Variants in DLC1 observed in about 807,000 individuals in gnomAD.
DLC1 encodes the protein DLC1 Rho GTPase activating protein.
A neutral mutation model predicts 140.3 loss-of-function variants in DLC1; 54 were observed. The ratio of observed to expected loss-of-function variants is 0.38; its 90% confidence interval spans 0.31 to 0.48. The LOEUF is 0.48. DLC1 is among the 20% of genes least tolerant of loss of function. DLC1 has a pLI of 0.96. For synonymous variants in DLC1, 986 were observed against 728.1 expected (o/e 1.35, Z -5.70); for missense variants, 2,536 against 1,907.0 (o/e 1.33, Z -6.14).
chr8:13,563,840 C>A (rs1315923216), intron 1 of DLC1, among the ~76,000 whole-genome samples: 1 of 152,008 alleles, frequency 6.6e-6, no homozygotes, highest in Non-Finnish European at 1.5e-5. Context: ...TAATGCAAAA[C>A]CACCTTTAAA....
chr8:13,572,593 C>T (rs976126863), intron 1 of DLC1, among the ~76,000 whole-genome samples: 2 of 152,114 alleles, frequency 1.3e-5, no homozygotes, highest in Non-Finnish European at 2.9e-5. Flanking sequence ...CATATATTTT[C>T]TTCTAAGAGT....
chr8:13,173,965 G>T (rs1825629652), intron 5 of DLC1, among the ~76,000 whole-genome samples: 1 of 152,106 alleles, frequency 6.6e-6, no homozygotes. Context: ...CATCACCCAG[G>T]TAGTGAACAT....
intron 4 of DLC1, among the ~76,000 whole-genome samples, chr8:13,328,389 G>A (rs1334679186): frequency 2.6e-5 from 4 of 152,132 alleles, no homozygotes; most frequent in African/African-American, 9.7e-5. Flanking sequence ...TTTGGTTCTG[G>A]GTTGATTGCG....
Position 13,582,878 on chromosome 8 carries a change from C to A in DLC1, c.-126+21659G>T, listed in dbSNP as rs565162230. ...AGTTATGTTTACAATATACTGTGGTCTATATATATATATATATATATATAT... is the reference window on the plus strand; with the variant it reads ...AGTTATGTTTACAATATACTGTGGTATATATATATATATATATATATATAT... On this transcript the variant is annotated intron_variant, in intron 1 of 1. Transcript: ENST00000631382. Among the ~76,000 whole-genome samples the A allele has an allele frequency of 3.4e-3, 348 of 103,052 alleles. 3 individuals carry two copies. Among genetic ancestry groups the A allele is most frequent in the African/African-American group, 0.011 (311 of 28,208 alleles). 67.6% of individuals were successfully genotyped at this position (103,052 alleles called of 152,430 possible).
chr8:13,404,215 G>A (rs1837425102), intron 2 of DLC1, among the ~76,000 whole-genome samples: 1 of 152,104 alleles, frequency 6.6e-6, no homozygotes, highest in African/African-American at 2.4e-5. Flanking sequence ...GGTGGGCTAT[G>A]GTATGTTGGT....
At chr8:13,509,791 T>A (rs1802271245) in intron 1 of DLC1, among the ~76,000 whole-genome samples, 1 of 151,526 alleles carries the variant, frequency 6.6e-6, no homozygotes, top group African/African-American at 2.4e-5. Flanking sequence ...TTTGTGAGGA[T>A]GTCTGTGAAA....
chr8:13,182,690 T>A (rs1826110679), intron 5 of DLC1, among the ~76,000 whole-genome samples: 1 of 152,336 alleles, frequency 6.6e-6, no homozygotes, highest in East Asian at 1.9e-4. Flanking sequence ...ATCTCTGTTT[T>A]GGTACCAGTA....
chr8:13,547,501 C>T (rs1190024613), intron 1 of DLC1, among the ~76,000 whole-genome samples: 2 of 152,036 alleles, frequency 1.3e-5, no homozygotes, highest in East Asian at 1.9e-4. Context: ...ACTCTTCAGG[C>T]ACCAGGATAA....
At chr8:13,593,747 T>C (rs903643208) in intron 1 of DLC1, among the ~76,000 whole-genome samples, 1 of 152,142 alleles carries the variant, frequency 6.6e-6, no homozygotes, top group Non-Finnish European at 1.5e-5. Flanking sequence ...GACATATGGT[T>C]ATTAGTTATA....
chr8:13,165,817 G>A (rs1825066716), intron 5 of DLC1, among the ~76,000 whole-genome samples: 1 of 152,126 alleles, frequency 6.6e-6, no homozygotes, highest in African/African-American at 2.4e-5. Flanking sequence ...TAGGGTGAAT[G>A]GCTTCCTTGG....
chr8:13,139,209 G>A (rs1174913541), intron 5 of DLC1, among the ~76,000 whole-genome samples: 2 of 138,412 alleles, frequency 1.4e-5, no homozygotes, highest in Admixed American at 1.6e-4. Context: ...AGGATTGCTT[G>A]AGCCGGGTAG....
chr8:13,083,509 T>C lies in DLC1; in HGVS notation c.*2302A>G, dbSNP rs866185973. On this transcript the variant is annotated 3_prime_UTR_variant, in exon 18 of 18. Transcript: ENST00000276297. Reference sequence around the variant, plus strand: ...AATTAGTCACACAAATAAGTTGTGATGGCGCTCTAAGTGACCTCAGCAGAG... The same window carrying C: ...AATTAGTCACACAAATAAGTTGTGACGGCGCTCTAAGTGACCTCAGCAGAG... 2 of 152,252 alleles carry C rather than the reference T, an allele frequency of 1.3e-5. No homozygotes were observed. The highest frequency in any genetic ancestry group is 2.4e-5 in the African/African-American group (1 of 41,460). 9.4% of individuals were successfully genotyped at this position (152,252 alleles called of 1,614,324 possible).
chr8:13,356,954 A>G (rs1048447341), intron 4 of DLC1, among the ~76,000 whole-genome samples: 1 of 152,060 alleles, frequency 6.6e-6, no homozygotes, highest in Non-Finnish European at 1.5e-5. Context: ...ATTTACAAGT[A>G]CGAGTTCAGA....
At chr8:13,501,701 T>A (rs1435970545) in intron 1 of DLC1, among the ~76,000 whole-genome samples, 2 of 152,212 alleles carry the variant, frequency 1.3e-5, no homozygotes, top group Non-Finnish European at 2.9e-5. Context: ...ACCAAGTATC[T>A]TTCTGGATAC....
chr8:13,478,358 C>T (rs141335942), intron 2 of DLC1, among the ~76,000 whole-genome samples: 8 of 152,280 alleles, frequency 5.3e-5, no homozygotes, highest in Admixed American at 3.3e-4. Context: ...GGGATCCATT[C>T]CCATGACCCA....
chr8:13,493,746 C>G (rs1801370916), intron 2 of DLC1, among the ~76,000 whole-genome samples: 2 of 152,070 alleles, frequency 1.3e-5, no homozygotes, highest in Admixed American at 1.3e-4. Context: ...TCCCAGTCAG[C>G]CTCCTACTTT....
chr8:13,586,524 C>G (rs1403375326), intron 1 of DLC1, among the ~76,000 whole-genome samples: 3 of 151,028 alleles, frequency 2.0e-5, no homozygotes, highest in Admixed American at 2.0e-4. Flanking sequence ...AGGTTAGTAA[C>G]TGAATGAATT....
rs75049983 is a variant in DLC1 at position 13,395,226 on chromosome 8, T to G, written c.1174-1533A>C. Among the ~76,000 whole-genome samples, 387 of 151,986 alleles carry G rather than the reference T, an allele frequency of 2.5e-3. 2 individuals are homozygous for G. Among genetic ancestry groups the G allele is most frequent in the Non-Finnish European group, 4.7e-3 (317 of 67,990 alleles). ...GCCTCCACCTCCTGAGTTCATGCAA[T>G]TCTCCTGCCTCAACCTCCTTGAGTA... On this transcript the variant is annotated intron_variant, in intron 3 of 17. Transcript: ENST00000276297.
intron 5 of DLC1, among the ~76,000 whole-genome samples, chr8:13,130,264 G>A (rs1034510597): frequency 1.8e-4 from 28 of 152,280 alleles, no homozygotes; most frequent in Middle Eastern, 6.8e-3. Context: ...CCTCTGATTG[G>A]AAGGCATCTC....
Sources: allele counts gnomAD v4.1 joint callset (sites outside exome capture counted in the v4.1 genomes callset), GRCh38; gene constraint gnomAD v4.1.1; transcripts MANE v1.5; gene names NCBI Gene and HGNC (gene_info 2026-07-23, HGNC 2026-07-21).